SYNGR1: variants seen among roughly 807,000 people sequenced by gnomAD.
The protein encoded by SYNGR1 is synaptogyrin-1.
A neutral mutation model predicts 26.1 loss-of-function variants in SYNGR1; 14 were observed. The observed-to-expected ratio is 0.54, with a 90% CI of 0.35 to 0.84. The LOEUF (loss-of-function observed/expected upper bound fraction) is 0.84, where lower values mean the gene tolerates loss of function less well. Ranked by LOEUF, SYNGR1 falls within the 40% of genes least tolerant of loss-of-function variation. The probability of loss-of-function intolerance (pLI) is 0.01; values close to 1 mark genes in which losing one functional copy is unlikely to be tolerated. For missense variants in SYNGR1, 319 were observed against 332.9 expected (o/e 0.96, Z 0.33); for synonymous variants, 141 against 150.1 (o/e 0.94, Z 0.44).
intron 2 of SYNGR1, chr22:39,374,916 C>T (rs574462745): frequency 3.2e-4 from 113 of 357,448 alleles, no homozygotes; most frequent in Middle Eastern, 1.9e-3. Flanking sequence ...CTAAGCAAGG[C>T]GGTGACTGGG....
intron 1 of SYNGR1, among the ~76,000 whole-genome samples, chr22:39,358,940 C>T (rs548389495): frequency 6.6e-6 from 1 of 152,346 alleles, no homozygotes; most frequent in African/African-American, 2.4e-5. Context: ...GAGAGAGGGG[C>T]GGCTGCGTAG....
chr22:39,350,052 CT>C lies in SYNGR1; in HGVS notation c.44del (p.Phe15SerfsTer23), dbSNP rs2145600717. On this transcript the variant is annotated frameshift_variant, in exon 1 of 4. Coordinates refer to ENST00000328933, the MANE Select transcript of SYNGR1 (RefSeq NM_004711.5). LOFTEE classifies it high-confidence loss of function. This position sits in a 1 kb window ranked among gnomAD's most constrained non-coding sequence, Gnocchi z 4.3. The stretch of plus-strand genomic sequence containing the variant: ...ACGGAGCGGGCAAAGCCGGGGGCGC[CT>C]TCGACCCCTACACCCTGGTCCGGCA... ...AYGAGKAGGA[F>X]DPYTLVRQPH... The C allele has an allele frequency of 1.4e-6, 2 of 1,437,024 alleles. No homozygotes were observed. The highest frequency in any genetic ancestry group is 1.9e-6 in the Non-Finnish European group (2 of 1,078,878). 89.0% of individuals were successfully genotyped at this position (1,437,024 alleles called of 1,614,324 possible).
At chr22:39,375,836 C>T (rs563101215) in intron 2 of SYNGR1, 10 of 671,368 alleles carry the variant, frequency 1.5e-5, no homozygotes, top group Non-Finnish European at 2.7e-5. Context: ...GCCTCCTCCC[C>T]CCTGCATCTG....
At chr22:39,374,052 G>A (rs1925152429) in intron 1 of SYNGR1, among the ~76,000 whole-genome samples, 1 of 152,152 alleles carries the variant, frequency 6.6e-6, no homozygotes, top group Non-Finnish European at 1.5e-5. Context: ...CTGGCTGAGG[G>A]GTGTTGGAAG....
At chr22:39,375,897 C>G (rs1925257022) in intron 2 of SYNGR1, 155 bp from the exon 3 acceptor site, 1 of 992,590 alleles carries the variant, frequency 1.0e-6, no homozygotes, top group Admixed American at 1.7e-5. Context: ...CCTCTCTCTT[C>G]CCCTACCCCC....
At chr22:39,380,932 C>A (rs1925479283) in intron 3 of SYNGR1, among the ~76,000 whole-genome samples, 1 of 152,008 alleles carries the variant, frequency 6.6e-6, no homozygotes, top group South Asian at 2.1e-4. Context: ...CTCCTGCTTT[C>A]AAGAAGAAGA....
At chr22:39,351,149 C>T (rs1253467475) in intron 1 of SYNGR1, among the ~76,000 whole-genome samples, 1 of 152,176 alleles carries the variant, frequency 6.6e-6, no homozygotes, top group Non-Finnish European at 1.5e-5. Flanking sequence ...CCCAGAAACT[C>T]CCACTCGAGG....
At chr22:39,368,551 G>T (rs954353811) in intron 1 of SYNGR1, among the ~76,000 whole-genome samples, 3 of 152,192 alleles carry the variant, frequency 2.0e-5, no homozygotes, top group Non-Finnish European at 2.9e-5. Context: ...AAGCTATTCT[G>T]TTCTTGCTCT....
chr22:39,359,174 T>C (rs1024163227), intron 1 of SYNGR1, among the ~76,000 whole-genome samples: 3 of 152,278 alleles, frequency 2.0e-5, no homozygotes, highest in Middle Eastern at 3.4e-3. Flanking sequence ...CCTCAGACCC[T>C]CCCTCTGCTG....
chr22:39,361,552 G>T (rs552905146), intron 1 of SYNGR1, among the ~76,000 whole-genome samples: 1 of 151,784 alleles, frequency 6.6e-6, no homozygotes, highest in East Asian at 1.9e-4. Flanking sequence ...GTAGAGATGG[G>T]TCTCACCATG....
intron 1 of SYNGR1, among the ~76,000 whole-genome samples, chr22:39,351,426 AAC>A (rs1923902369): frequency 6.6e-6 from 1 of 152,218 alleles, no homozygotes; most frequent in South Asian, 2.1e-4. Flanking sequence ...CAGTTCCTTT[AAC>A]CCTTGTGTCG....
intron 3 of SYNGR1, 48 bp downstream of exon 3, chr22:39,376,245 CTG>C: frequency 6.2e-7 from 1 of 1,613,394 alleles, no homozygotes; most frequent in East Asian, 2.2e-5. Flanking sequence ...CCTTTCCCCA[CTG>C]AGCCCCTGGA....
At position 39,384,252 on chromosome 22, in the gene SYNGR1, C is replaced by T; in HGVS notation, c.*2338C>T. On this transcript the variant is annotated 3_prime_UTR_variant, in exon 4 of 4. Coordinates refer to ENST00000328933, the MANE Select transcript of SYNGR1 (RefSeq NM_004711.5). ...CTGCCCATCTGTTTCTCCTCGGGTG[C>T]CAGCCAGCTGCTGGTGATCCTCAGC... The T allele has an allele frequency of 2.9e-6, 1 of 341,386 alleles. No individual in the cohort carries two copies. Among genetic ancestry groups the T allele is most frequent in the Middle Eastern group, 7.6e-4 (1 of 1,318 alleles). The allele number at this position is 341,386 out of a possible 1,614,324, so 21.1% of individuals were successfully genotyped here. A position where few individuals can be genotyped will look rare whatever the true frequency, so the allele number is the denominator to read the frequency against.
At chr22:39,371,419 T>C (rs1206422957) in intron 1 of SYNGR1, among the ~76,000 whole-genome samples, 1 of 147,834 alleles carries the variant, frequency 6.8e-6, no homozygotes, top group African/African-American at 2.5e-5. Flanking sequence ...GAGGTTGTGG[T>C]GGACTGAGAT....
chr22:39,377,429 A>G, intron 3 of SYNGR1: 21 of 985,396 alleles, frequency 2.1e-5, no homozygotes, highest in Non-Finnish European at 2.5e-5. Flanking sequence ...CACCCAGCCT[A>G]CAGGGAGGAG....
chr22:39,351,575 A>C (rs1923909403), intron 1 of SYNGR1, among the ~76,000 whole-genome samples: 1 of 152,224 alleles, frequency 6.6e-6, no homozygotes, highest in Non-Finnish European at 1.5e-5. Flanking sequence ...CACCTGCCGG[A>C]TCAGGCGGGT....
intron 1 of SYNGR1, among the ~76,000 whole-genome samples, chr22:39,368,782 C>T (rs1378003038): frequency 1.3e-5 from 2 of 152,214 alleles, no homozygotes; most frequent in Admixed American, 1.3e-4. Context: ...ATTTTCAGCG[C>T]TGGCAGCAGT....
chr22:39,364,881 A>G (rs942627074), intron 1 of SYNGR1, among the ~76,000 whole-genome samples: 4 of 152,034 alleles, frequency 2.6e-5, no homozygotes, highest in Non-Finnish European at 5.9e-5. Context: ...TGTTTTTCTG[A>G]GTTTGACATA....
In SYNGR1 at chr22:39,380,616, C is replaced by CTTTTTTT; in HGVS notation, c.484-1062_484-1056dup. Among the ~76,000 whole-genome samples the CTTTTTTT allele has an allele frequency of 1.5e-3, 104 of 69,966 alleles. 15 individuals carry two copies. Among genetic ancestry groups the CTTTTTTT allele is most frequent in the African/African-American group, 6.8e-3 (94 of 13,858 alleles). 45.9% of individuals were successfully genotyped at this position (69,966 alleles called of 152,430 possible). On this transcript the variant is annotated intron_variant, in intron 3 of 3. Coordinates refer to ENST00000328933, the MANE Select transcript of SYNGR1 (RefSeq NM_004711.5). Reference sequence around the variant, plus strand: ...GTCTTGCTATGTTGCCCAAGCTGGCCTTTTTTTTTTTTTTTTTTTTTTTTG... The same window carrying CTTTTTTT: ...GTCTTGCTATGTTGCCCAAGCTGGCCTTTTTTTTTTTTTTTTTTTTTTTTTTTTTTTG...
Sources: gnomAD v4.1 joint callset for allele counts (sites outside exome capture counted in the v4.1 genomes callset) on GRCh38, gnomAD v4.1.1 for gene constraint, Gnocchi (gnomAD v3.1) non-coding constraint, MANE v1.5 for transcripts, NCBI Gene and HGNC (gene_info 2026-07-23, HGNC 2026-07-21) for gene names.